Variants in STARD3NL observed in about 807,000 individuals in gnomAD.
The protein encoded by STARD3NL is STARD3 N-terminal like.
A neutral mutation model predicts 30.9 loss-of-function variants in STARD3NL; 17 were observed. The observed-to-expected ratio is 0.55, with a 90% CI of 0.38 to 0.82. STARD3NL has a LOEUF of 0.82. STARD3NL is among the 40% of genes least tolerant of loss of function. The pLI is 0.00. For missense variants in STARD3NL, 234 were observed against 277.6 expected (o/e 0.84, Z 1.12); for synonymous variants, 112 against 100.5 (o/e 1.11, Z -0.69).
intron 7 of STARD3NL, among the ~76,000 whole-genome samples, chr7:38,223,765 T>G (rs1281526416): frequency 6.6e-6 from 1 of 152,202 alleles, no homozygotes; most frequent in African/African-American, 2.4e-5. Context: ...GAAAAGTCAT[T>G]GCCAGGGATA....
chr7:38,220,913 G>T (rs1028984344), intron 7 of STARD3NL, among the ~76,000 whole-genome samples: 7 of 151,686 alleles, frequency 4.6e-5, no homozygotes, highest in African/African-American at 1.7e-4. Flanking sequence ...AGACCAGCCT[G>T]GGCAACATAG....
intron 1 of STARD3NL, among the ~76,000 whole-genome samples, chr7:38,185,369 G>C (rs2115932136): frequency 6.6e-6 from 1 of 152,264 alleles, no homozygotes; most frequent in Non-Finnish European, 1.5e-5. Flanking sequence ...CCTATGTGCT[G>C]TTCTTGTATA....
intron 2 of STARD3NL, among the ~76,000 whole-genome samples, chr7:38,214,023 G>A (rs1015581163): frequency 3.3e-5 from 5 of 152,146 alleles, no homozygotes; most frequent in African/African-American, 9.7e-5. Flanking sequence ...AAGGTGAATT[G>A]CCTTCTTTAA....
intron 7 of STARD3NL, among the ~76,000 whole-genome samples, chr7:38,225,683 G>A (rs1786718991): frequency 1.4e-5 from 2 of 147,728 alleles, no homozygotes; most frequent in Non-Finnish European, 3.0e-5. Flanking sequence ...TTTTAATTCT[G>A]CTTTCTTAAG....
chr7:38,196,843 TG>T (rs1784919077), intron 1 of STARD3NL, among the ~76,000 whole-genome samples: 1 of 152,232 alleles, frequency 6.6e-6, no homozygotes, highest in African/African-American at 2.4e-5. Flanking sequence ...TTGGGACTAC[TG>T]GATTTAAATT....
chr7:38,196,097 G>A (rs1435348883), intron 1 of STARD3NL, among the ~76,000 whole-genome samples: 1 of 152,190 alleles, frequency 6.6e-6, no homozygotes, highest in East Asian at 1.9e-4. Flanking sequence ...AACCTGACCA[G>A]CCTGTTGTTT....
chr7:38,204,660 A>G (rs1785358032), intron 1 of STARD3NL, among the ~76,000 whole-genome samples: 1 of 152,230 alleles, frequency 6.6e-6, no homozygotes. Context: ...GGAGGTAGAG[A>G]CACAAAAAAC....
At chr7:38,182,259 C>G (rs531061314) in intron 1 of STARD3NL, among the ~76,000 whole-genome samples, 2 of 152,274 alleles carry the variant, frequency 1.3e-5, no homozygotes, top group Middle Eastern at 3.4e-3. Context: ...TTCACAGAAC[C>G]TGTTTTCTGT....
chr7:38,214,991 TA>T, intron 3 of STARD3NL, 36 bp from the exon 4 acceptor site: 1 of 1,574,814 alleles, frequency 6.3e-7, no homozygotes, highest in Non-Finnish European at 8.7e-7. Flanking sequence ...TTTTTGTATA[TA>T]TTTTTTAAAA....
chr7:38,206,652 A>G (rs964826292), intron 1 of STARD3NL, among the ~76,000 whole-genome samples: 1 of 152,198 alleles, frequency 6.6e-6, no homozygotes. Flanking sequence ...TTCTTTTCCA[A>G]GAAGAGGCCT....
chr7:38,221,801 C>T (rs1410565370), intron 7 of STARD3NL, among the ~76,000 whole-genome samples: 1 of 152,214 alleles, frequency 6.6e-6, no homozygotes, highest in Non-Finnish European at 1.5e-5. Context: ...CTTGTGACTG[C>T]CTTCTGGTGT....
chr7:38,202,312 CAAATT>C (rs926120921), intron 1 of STARD3NL: 3 of 152,150 alleles, frequency 2.0e-5, no homozygotes, highest in Non-Finnish European at 2.9e-5. Flanking sequence ...TCTGAGGAAA[CAAATT>C]GAATGACAGA....
At chr7:38,192,071 G>A (rs532629117) in intron 1 of STARD3NL, among the ~76,000 whole-genome samples, 2 of 152,282 alleles carry the variant, frequency 1.3e-5, no homozygotes, top group African/African-American at 4.8e-5. Flanking sequence ...GCAGTATTAT[G>A]TAGCTTTCAG....
chr7:38,197,617 T>C (rs1182182714), intron 1 of STARD3NL, among the ~76,000 whole-genome samples: 2 of 152,200 alleles, frequency 1.3e-5, no homozygotes, highest in Non-Finnish European at 2.9e-5. Flanking sequence ...TTATCTAAGT[T>C]TGAATTACTG....
At chr7:38,197,285 G>A (rs1186045360) in intron 1 of STARD3NL, among the ~76,000 whole-genome samples, 4 of 149,736 alleles carry the variant, frequency 2.7e-5, no homozygotes, top group Non-Finnish European at 5.9e-5. Flanking sequence ...GAGTGCAGTG[G>A]CGTAATCTTA....
At chr7:38,199,701 G>T (rs1472369009) in intron 1 of STARD3NL, among the ~76,000 whole-genome samples, 3 of 152,186 alleles carry the variant, frequency 2.0e-5, no homozygotes, top group Non-Finnish European at 2.9e-5. Context: ...GAAGGATATG[G>T]TTAGGATGAA....
At chr7:38,205,636 A>G (rs998964678) in intron 1 of STARD3NL, among the ~76,000 whole-genome samples, 49 of 94,678 alleles carry the variant, frequency 5.2e-4, no homozygotes, top group African/African-American at 1.9e-3. Context: ...TTGAAATATA[A>G]TATACACTAT....
At chr7:38,225,138 A>G (rs1396568180) in intron 7 of STARD3NL, among the ~76,000 whole-genome samples, 5 of 152,208 alleles carry the variant, frequency 3.3e-5, no homozygotes, top group East Asian at 1.9e-4. Context: ...TATGTAATTC[A>G]TAAGTCTTAT....
At position 38,219,641 on chromosome 7, in the gene STARD3NL, C is replaced by T. The variant is rs576283756; in HGVS notation, c.630C>T (p.Ser210=). The change falls in exon 7 of 9, where the codon TCC becomes TCT. Residue 210 remains serine, a synonymous_variant. Coordinates refer to ENST00000009041, the MANE Select transcript of STARD3NL (RefSeq NM_032016.4). Reference sequence around the variant, plus strand: ...GTCTTTCTGATGGTCAGTTTTATTCCCCTCCTGAATCCGAAGCAGGTAAAA... The same window carrying T: ...GTCTTTCTGATGGTCAGTTTTATTCTCCTCCTGAATCCGAAGCAGGTAAAA... ...PGGLSDGQFY[S]PPESEAGSEE... is the part of the protein sequence containing the mutation. The T allele has an allele frequency of 1.2e-6, 2 of 1,612,040 alleles. No homozygotes were observed. Among genetic ancestry groups the T allele is most frequent in the African/African-American group, 2.7e-5 (2 of 74,812 alleles).
Sources: gnomAD v4.1 joint callset for allele counts (sites outside exome capture counted in the v4.1 genomes callset) on GRCh38, gnomAD v4.1.1 for gene constraint, MANE v1.5 for transcripts, NCBI Gene and HGNC (gene_info 2026-07-23, HGNC 2026-07-21) for gene names.